The following SPSB1 variants were observed in gnomAD, a reference collection of about 807,000 sequenced individuals.
SPSB1 encodes SPRY domain-containing SOCS box protein 1.
Under a neutral mutation model 21.2 loss-of-function variants are expected in SPSB1, and 8 were observed. The ratio of observed to expected loss-of-function variants is 0.38; its 90% CI spans 0.22 to 0.68. The LOEUF (loss-of-function observed/expected upper bound fraction) is 0.68, where lower values mean the gene tolerates loss of function less well. Ranked by LOEUF, SPSB1 falls within the 30% of genes least tolerant of loss-of-function variation. The pLI is 0.53. For missense variants in SPSB1, 242 were observed against 377.8 expected (o/e 0.64, Z 2.98); for synonymous variants, 169 against 161.7 (o/e 1.05, Z -0.34).
chr1:9,345,083 C>T lies in SPSB1; in HGVS notation c.-149-10660C>T, dbSNP rs1640149764. Among the ~76,000 whole-genome samples, 1 of 152,188 alleles carries T rather than the reference C, an allele frequency of 6.6e-6. No individual in the cohort carries two copies. Among genetic ancestry groups the T allele is most frequent in the African/African-American group, 2.4e-5 (1 of 41,448 alleles). On this transcript the variant is annotated intron_variant, in intron 1 of 2. Coordinates refer to ENST00000328089, the MANE Select transcript of SPSB1 (RefSeq NM_025106.4). The surrounding 1 kb of genome is among the most constrained non-coding windows in gnomAD (Gnocchi z 4.8). ...GCCTCTTCCTCTCAGGCCAGGCAGC[C>T]CTGAACTCTGGAGTCCCACAGGAGG...
At chr1:9,365,137 G>A (rs537928793) in intron 2 of SPSB1, among the ~76,000 whole-genome samples, 19 of 151,494 alleles carry the variant, frequency 1.3e-4, no homozygotes, top group East Asian at 9.7e-4. Context: ...GATTACAGGC[G>A]TGAGCCACCA....
At position 9,324,916 on chromosome 1, in the gene SPSB1, G is replaced by T. The variant is rs9725478; in HGVS notation, c.-149-30827G>T. Among the ~76,000 whole-genome samples, 34,461 of 152,148 alleles carry T rather than the reference G, an allele frequency of 0.23. 4,902 individuals are homozygous for T. The highest frequency in any genetic ancestry group is 0.54 in the East Asian group (2,802 of 5,160). The stretch of plus-strand genomic sequence containing the variant: ...CAAATGCTTTCTTGGAAAAGCGAGT[G>T]GGGTGGGGGAGCAGGGACACCCGGC... On this transcript the variant is annotated intron_variant, in intron 1 of 2. Transcript: ENST00000328089. This position sits in a 1 kb window ranked among gnomAD's most constrained non-coding sequence, Gnocchi z 4.3.
At chr1:9,299,817 G>A (rs1639298510) in intron 1 of SPSB1, among the ~76,000 whole-genome samples, 1 of 151,058 alleles carries the variant, frequency 6.6e-6, no homozygotes. Context: ...TTTTAAATTA[G>A]CCAGGCATGA....
At chr1:9,302,009 G>C (rs1639338257) in intron 1 of SPSB1, among the ~76,000 whole-genome samples, 1 of 152,236 alleles carries the variant, frequency 6.6e-6, no homozygotes, top group African/African-American at 2.4e-5. Flanking sequence ...CTGTCACGCT[G>C]TCCGTGTAGC....
At chr1:9,362,934 A>T (rs1640504256) in intron 2 of SPSB1, among the ~76,000 whole-genome samples, 1 of 152,242 alleles carries the variant, frequency 6.6e-6, no homozygotes, top group Non-Finnish European at 1.5e-5. Context: ...TGGGCATAGC[A>T]GCCAGAGGCC....
At position 9,348,546 on chromosome 1, in the gene SPSB1, G is replaced by A. The variant is rs1318813906; in HGVS notation, c.-149-7197G>A. On this transcript the variant is annotated intron_variant, in intron 1 of 2. Transcript: ENST00000328089. This position sits in a 1 kb window ranked among gnomAD's most constrained non-coding sequence, Gnocchi z 4.8. ...GCTTTTGACTCCTCCCCATCCCCTG[G>A]GATCAGCATTCATTTCCAGGCTTCC... Among the ~76,000 whole-genome samples, 1 of 151,926 alleles carries A rather than the reference G, an allele frequency of 6.6e-6. No individual in the cohort carries two copies. The highest frequency in any genetic ancestry group is 1.5e-5 in the Non-Finnish European group (1 of 67,970).
At chr1:9,366,774 A>G (rs1640579068) in intron 2 of SPSB1, among the ~76,000 whole-genome samples, 2 of 152,134 alleles carry the variant, frequency 1.3e-5, no homozygotes, top group Non-Finnish European at 2.9e-5. Context: ...GGGTTTCACC[A>G]TGTTGGCCAG....
intron 2 of SPSB1, among the ~76,000 whole-genome samples, chr1:9,359,847 CG>C (rs1553128808): frequency 7.3e-4 from 77 of 105,828 alleles, no homozygotes; most frequent in African/African-American, 2.0e-3. Flanking sequence ...GGATGGAAGC[CG>C]GGGGGGTGGG....
In SPSB1 at chr1:9,356,527, A is replaced by G. The variant is rs1640364910; in HGVS notation, c.636A>G (p.Val212=). The change falls in exon 2 of 3, where the codon GTA becomes GTG. Residue 212 remains valine, a synonymous_variant. Coordinates refer to ENST00000328089, the MANE Select transcript of SPSB1 (RefSeq NM_025106.4). This position sits in a 1 kb window ranked among gnomAD's most constrained non-coding sequence, Gnocchi z 7.4. ...TCAAGGGCAAAAAACTGTATCCTGTAGTGAGTGCCGTCTGGGGCCACTGTG... is the reference window on the plus strand; with the variant it reads ...TCAAGGGCAAAAAACTGTATCCTGTGGTGAGTGCCGTCTGGGGCCACTGTG... ...RGLKGKKLYP[V]VSAVWGHCEI... is the part of the protein sequence containing the mutation. 1.9e-6 allele frequency: 3 copies of G among 1,609,408 alleles called. No individual in the cohort carries two copies. Among genetic ancestry groups the G allele is most frequent in the Non-Finnish European group, 2.6e-6 (3 of 1,176,174 alleles).
chr1:9,326,139 T>G (rs554341428), intron 1 of SPSB1, among the ~76,000 whole-genome samples: 2 of 152,052 alleles, frequency 1.3e-5, no homozygotes, highest in Non-Finnish European at 2.9e-5. Context: ...TGGAATGTTC[T>G]TGGTGGGGCT....
intron 2 of SPSB1, among the ~76,000 whole-genome samples, chr1:9,361,159 T>TTTTTTTTTTTTTTTTTTTTTTTC (rs1640469177): frequency 3.0e-5 from 1 of 33,230 alleles, no homozygotes; most frequent in East Asian, 1.2e-3. Context: ...TCATTTTCTT[T>TTTTTTTTTTTTTTTTTTTTTTTC]TTTTTTTTTT....
chr1:9,322,861 C>A (rs537782339), intron 1 of SPSB1, among the ~76,000 whole-genome samples: 1 of 151,364 alleles, frequency 6.6e-6, no homozygotes. Context: ...CACCTCCAGC[C>A]CGCACCCACC....
chr1:9,346,326 C>T lies in SPSB1; in HGVS notation c.-149-9417C>T, dbSNP rs1640166259. 6.6e-6 allele frequency among the ~76,000 whole-genome samples: 1 copy of T among 152,186 alleles called. No homozygotes were observed. Among genetic ancestry groups the T allele is most frequent in the Non-Finnish European group, 1.5e-5 (1 of 68,030 alleles). On this transcript the variant is annotated intron_variant, in intron 1 of 2. Transcript: ENST00000328089. This position sits in a 1 kb window ranked among gnomAD's most constrained non-coding sequence, Gnocchi z 4.4. ...AACAATGGTTTTACTGTTCTGGGGT[C>T]AGTCGGACACACTGTGGAGGAACTG...
At chr1:9,309,344 TTCTC>T (rs945464419) in intron 1 of SPSB1, among the ~76,000 whole-genome samples, 260 of 145,048 alleles carry the variant, frequency 1.8e-3, no homozygotes, top group African/African-American at 6.6e-3. Flanking sequence ...GAGTGACAGA[TTCTC>T]TCTCTGTCAC....
chr1:9,296,277 A>G (rs1639224113), intron 1 of SPSB1, among the ~76,000 whole-genome samples: 1 of 152,112 alleles, frequency 6.6e-6, no homozygotes, highest in Admixed American at 6.6e-5. Flanking sequence ...CTCCATGTCC[A>G]TTCTGCTGAG....
chr1:9,334,791 A>AT (rs1367192827), intron 1 of SPSB1, among the ~76,000 whole-genome samples: 5 of 152,330 alleles, frequency 3.3e-5, no homozygotes, highest in Admixed American at 3.3e-4. Context: ...AAGTGCAATC[A>AT]TATAGTATTT....
intron 1 of SPSB1, among the ~76,000 whole-genome samples, chr1:9,342,748 C>T (rs567845019): frequency 5.3e-4 from 81 of 152,366 alleles, no homozygotes; most frequent in South Asian, 1.0e-3. Context: ...GAAACTCCAT[C>T]TACAGGTGCT....
At chr1:9,365,168 T>C (rs1047054421) in intron 2 of SPSB1, among the ~76,000 whole-genome samples, 2 of 152,024 alleles carry the variant, frequency 1.3e-5, no homozygotes, top group South Asian at 4.2e-4. Flanking sequence ...GTTTTCATTT[T>C]TGAGACAAGG....
At chr1:9,301,446 G>A (rs185919917) in intron 1 of SPSB1, among the ~76,000 whole-genome samples, 61 of 152,292 alleles carry the variant, frequency 4.0e-4, no homozygotes, top group African/African-American at 1.4e-3. Flanking sequence ...GCTGCAGTGA[G>A]CTGTGATTGC....
Sources: gnomAD v4.1 joint callset for allele counts (sites outside exome capture counted in the v4.1 genomes callset) on GRCh38, gnomAD v4.1.1 for gene constraint, Gnocchi (gnomAD v3.1) non-coding constraint, MANE v1.5 for transcripts, NCBI Gene and HGNC (gene_info 2026-07-23, HGNC 2026-07-21) for gene names.